Variants in N4BP2 observed in about 807,000 individuals in gnomAD.
N4BP2 encodes the protein NEDD4-binding protein 2.
N4BP2 carries 91 observed loss-of-function variants against 152.8 expected under a neutral mutation model. The observed-to-expected ratio is 0.60, with a 90% CI of 0.50 to 0.71. N4BP2 has a LOEUF of 0.71. Among genes scored for constraint, N4BP2 ranks in the 30% least tolerant of loss-of-function variants. The pLI is 0.00. For missense variants in N4BP2, 1,923 were observed against 2,059.1 expected (o/e 0.93, Z 1.28); for synonymous variants, 646 against 705.3 (o/e 0.92, Z 1.33).
the N4BP2 span, among the ~76,000 whole-genome samples, chr4:40,184,721 C>T: frequency 2.0e-4 from 31 of 152,052 alleles, no homozygotes; most frequent in Middle Eastern, 6.8e-3. Context: ...TTTGGGAGGC[C>T]GAGGCAGGTG....
At chr4:40,137,206 C>A in intron 14 of N4BP2, 124 bp downstream of exon 14, 1 of 755,442 alleles carries the variant, frequency 1.3e-6, no homozygotes, top group Non-Finnish European at 2.0e-6. Context: ...GAAATTTAAC[C>A]ACCAATGGCA....
chr4:40,181,178 C>G, the N4BP2 span, among the ~76,000 whole-genome samples: 1 of 151,912 alleles, frequency 6.6e-6, no homozygotes, highest in Admixed American at 6.6e-5. Context: ...TATACATTGG[C>G]CAAATCTTTG....
At chr4:40,128,813 C>T (rs1718652461) in intron 12 of N4BP2, among the ~76,000 whole-genome samples, 1 of 151,468 alleles carries the variant, frequency 6.6e-6, no homozygotes, top group Non-Finnish European at 1.5e-5. Context: ...GCCACAGCAC[C>T]CAGCCAGCAA....
the N4BP2 span, among the ~76,000 whole-genome samples, chr4:40,181,854 C>A: frequency 6.6e-6 from 1 of 152,176 alleles, no homozygotes; most frequent in African/African-American, 2.4e-5. Context: ...GAGGCTGAGG[C>A]ATGACAATTG....
chr4:40,077,221 C>T (rs902401921), intron 2 of N4BP2, among the ~76,000 whole-genome samples: 1 of 151,778 alleles, frequency 6.6e-6, no homozygotes, highest in African/African-American at 2.4e-5. Context: ...AGTGCAGTGG[C>T]GTAATCTCAG....
chr4:40,130,674 A>G (rs1003291679), intron 12 of N4BP2, among the ~76,000 whole-genome samples: 5 of 152,114 alleles, frequency 3.3e-5, no homozygotes, highest in African/African-American at 1.2e-4. Context: ...CTTTTAAAAA[A>G]CAATTTTATG....
At chr4:40,179,190 A>T in the N4BP2 span, among the ~76,000 whole-genome samples, 1 of 152,048 alleles carries the variant, frequency 6.6e-6, no homozygotes, top group Non-Finnish European at 1.5e-5. Flanking sequence ...AACATGGTGA[A>T]ACCCTGACTC....
In N4BP2 at chr4:40,154,841, T is replaced by G. The variant is rs570256580; in HGVS notation, c.*604T>G. 1 of 152,406 alleles carries G rather than the reference T, an allele frequency of 6.6e-6. No individual in the cohort carries two copies. The highest frequency in any genetic ancestry group is 1.9e-4 in the East Asian group (1 of 5,196). The allele number at this position is 152,406 out of a possible 1,614,324, so 9.4% of individuals were successfully genotyped here. ...GATCTTTTACCTTTTGTTCTGTTCTTCTGTGTGCATTTTATGGAAAGAAAG... is the reference window on the plus strand; with the variant it reads ...GATCTTTTACCTTTTGTTCTGTTCTGCTGTGTGCATTTTATGGAAAGAAAG... On this transcript the variant is annotated 3_prime_UTR_variant, in exon 18 of 18. Transcript: ENST00000261435.
intron 1 of N4BP2, among the ~76,000 whole-genome samples, chr4:40,059,391 T>C (rs1274907062): frequency 6.6e-5 from 10 of 151,968 alleles, no homozygotes; most frequent in Non-Finnish European, 5.9e-5. Context: ...TTTTTATGTA[T>C]GTATGTATGT....
chr4:40,142,284 G>A, intron 14 of N4BP2: 1 of 324,620 alleles, frequency 3.1e-6, no homozygotes, highest in Non-Finnish European at 6.1e-6. Flanking sequence ...GGTTCCTTTG[G>A]ATCATGGCCC....
At chr4:40,081,571 G>A (rs2381486) in intron 2 of N4BP2, among the ~76,000 whole-genome samples, 8,147 of 152,026 alleles carry the variant, frequency 0.054, 672 homozygotes, top group East Asian at 0.41. Context: ...GCTTGAACGC[G>A]GGAGCTGGAG....
chr4:40,133,611 C>T (rs1165856517), intron 13 of N4BP2, among the ~76,000 whole-genome samples: 1 of 152,128 alleles, frequency 6.6e-6, no homozygotes, highest in Non-Finnish European at 1.5e-5. Flanking sequence ...GCTGGGATTA[C>T]AGGCGTGAGC....
chr4:40,119,824 T>G (rs78235595), intron 8 of N4BP2, 108 bp from the exon 9 acceptor site: 36,638 of 522,524 alleles, frequency 0.07, 1,616 homozygotes, highest in Non-Finnish European at 0.083. Context: ...TTTATAAAAT[T>G]TTCAGAATAA....
At chr4:40,129,187 T>G (rs1171126020) in intron 12 of N4BP2, among the ~76,000 whole-genome samples, 1 of 152,172 alleles carries the variant, frequency 6.6e-6, no homozygotes, top group Admixed American at 6.5e-5. Flanking sequence ...TAGCTGGGAC[T>G]ACAGGTGTGA....
At chr4:40,071,260 A>G (rs1317369687) in intron 1 of N4BP2, among the ~76,000 whole-genome samples, 1 of 151,786 alleles carries the variant, frequency 6.6e-6, no homozygotes, top group African/African-American at 2.4e-5. Flanking sequence ...TTGTTTCCTC[A>G]TGGTGTAGTA....
intron 17 of N4BP2, 147 bp from the exon 18 acceptor site, chr4:40,154,045 T>C (rs1384339204): frequency 6.9e-6 from 4 of 581,510 alleles, no homozygotes; most frequent in South Asian, 2.1e-5. Context: ...AACCTAGATG[T>C]TGGTCTTGGA....
At chr4:40,177,028 C>T in the N4BP2 span, among the ~76,000 whole-genome samples, 1 of 152,134 alleles carries the variant, frequency 6.6e-6, no homozygotes, top group African/African-American at 2.4e-5. Context: ...CCCTCTTTGG[C>T]GGAATTAAGG....
At chr4:40,124,470 C>G (rs969525488) in intron 11 of N4BP2, among the ~76,000 whole-genome samples, 6 of 152,044 alleles carry the variant, frequency 3.9e-5, no homozygotes, top group Non-Finnish European at 7.4e-5. Context: ...CCTCAGCCTC[C>G]CAAGTAGCTG....
rs764942342 is a variant in N4BP2 at position 40,144,834 on chromosome 4, A to T, written c.5143+34A>T. On this transcript the variant is annotated intron_variant, in intron 16 of 17. Transcript: ENST00000261435. ...GTGGTAATCACAAGTTTTCAATAGA[A>T]TATATGTCTTTGCTTATATTGGTAT... 9 of 1,547,192 alleles carry T rather than the reference A, an allele frequency of 5.8e-6. No homozygotes were observed. The Admixed American group carries it at 1.8e-4, about 31-fold the overall frequency.
Sources: gnomAD v4.1 joint callset for allele counts (sites outside exome capture counted in the v4.1 genomes callset) on GRCh38, gnomAD v4.1.1 for gene constraint, MANE v1.5 for transcripts, NCBI Gene and HGNC (gene_info 2026-07-23, HGNC 2026-07-21) for gene names.